Variants in RERE observed in about 807,000 individuals in gnomAD.
RERE encodes the protein arginine-glutamic acid dipeptide repeats protein.
A neutral mutation model predicts 146.1 loss-of-function variants in RERE; 40 were observed. The observed-to-expected ratio is 0.27, with a 90% CI of 0.21 to 0.36. The LOEUF is 0.36. Among genes scored for constraint, RERE ranks in the 10% least tolerant of loss-of-function variants. The pLI is 1.00. For missense variants in RERE, 1,933 were observed against 2,138.7 expected, an observed-to-expected ratio of 0.90 and a Z score of 1.90; for synonymous variants, 1,003 against 866.0, an observed-to-expected ratio of 1.16 and a Z score of -2.78.
intron 12 of RERE, among the ~76,000 whole-genome samples, chr1:8,407,438 CCTA>C (rs1221484115): frequency 6.6e-6 from 1 of 152,170 alleles, no homozygotes; most frequent in Non-Finnish European, 1.5e-5. Flanking sequence ...GCCAAGGAAT[CCTA>C]CTGTGAACAA....
At chr1:8,759,332 G>C (rs1011308336) in intron 1 of RERE, among the ~76,000 whole-genome samples, 1 of 152,170 alleles carries the variant, frequency 6.6e-6, no homozygotes. Context: ...TTGGAAAAGA[G>C]CATCATCCTT....
chr1:8,361,790 C>G lies in RERE; in HGVS notation c.1989G>C (p.Arg663Ser). 2 of 1,613,928 alleles carry G rather than the reference C, an allele frequency of 1.2e-6. No individual in the cohort carries two copies. The highest frequency in any genetic ancestry group is 1.7e-6 in the Non-Finnish European group (2 of 1,179,798). ...GCGTTTTTGTCTTCTTGGAGCTGGT[C>G]CTGTCAGCCTCCTCCGTATCAGAGG... ...KVASDTEEAD[R>S]TSSKKTKTQE... The change falls in exon 17 of 23, where the codon AGG becomes AGC. Residue 663 changes from arginine to serine, a missense_variant. Coordinates refer to ENST00000400908, the MANE Select transcript of RERE (RefSeq NM_001042681.2).
intron 7 of RERE, among the ~76,000 whole-genome samples, chr1:8,522,933 T>C (rs1269427045): frequency 2.6e-5 from 4 of 151,694 alleles, no homozygotes; most frequent in South Asian, 4.2e-4. Flanking sequence ...CCTGGCACTT[T>C]GGGAGGCCAA....
intron 7 of RERE, chr1:8,525,835 C>T: frequency 6.5e-7 from 1 of 1,540,466 alleles, no homozygotes; most frequent in East Asian, 2.4e-5. Context: ...CCTTTACTTT[C>T]TGCTAAAACT....
intron 1 of RERE, among the ~76,000 whole-genome samples, chr1:8,782,778 C>T (rs1048054899): frequency 6.6e-6 from 1 of 152,114 alleles, no homozygotes; most frequent in Non-Finnish European, 1.5e-5. Context: ...TGGTAGCAGG[C>T]ACCTGTAGTC....
At chr1:8,552,771 C>T (rs778896717) in intron 6 of RERE, among the ~76,000 whole-genome samples, 2 of 152,222 alleles carry the variant, frequency 1.3e-5, no homozygotes, top group Non-Finnish European at 2.9e-5. Context: ...TCACAGTGAG[C>T]GCTGCTGCCA....
At chr1:8,501,200 G>C (rs1329176983) in intron 8 of RERE, among the ~76,000 whole-genome samples, 9,041 of 81,986 alleles carry the variant, frequency 0.11, no homozygotes, top group Middle Eastern at 0.19. Flanking sequence ...CCGTCCGGGA[G>C]GGAGGTGGGG....
chr1:8,537,861 G>C (rs1026800454), intron 7 of RERE, among the ~76,000 whole-genome samples: 12 of 151,996 alleles, frequency 7.9e-5, no homozygotes, highest in African/African-American at 2.7e-4. Flanking sequence ...GACCAGGTTA[G>C]AGAAAAAAAT....
chr1:8,494,501 A>C (rs549572601), intron 10 of RERE, among the ~76,000 whole-genome samples: 37 of 152,242 alleles, frequency 2.4e-4, no homozygotes, highest in Non-Finnish European at 4.9e-4. Context: ...TCGAGGTGGG[A>C]GGATCACAAG....
At position 8,356,356 on chromosome 1, in the gene RERE, C is replaced by T; in HGVS notation, c.4340-110G>A. The T allele has an allele frequency of 8.0e-7, 1 of 1,257,588 alleles. No individual in the cohort carries two copies. The highest frequency in any genetic ancestry group is 1.9e-5 in the South Asian group (1 of 53,098). 77.9% of individuals were successfully genotyped at this position (1,257,588 alleles called of 1,614,324 possible). A position where few individuals can be genotyped will look rare whatever the true frequency, so the allele number is the denominator to read the frequency against. On this transcript the variant is annotated intron_variant, in intron 20 of 22. Transcript: ENST00000400908. This position sits in a 1 kb window ranked among gnomAD's most constrained non-coding sequence, Gnocchi z 5.2. ...CTCCTCACCCAGGATGGCTCCTGGTCACCAGGGCTGGATGCACCACCTGGC... is the reference window on the plus strand; with the variant it reads ...CTCCTCACCCAGGATGGCTCCTGGTTACCAGGGCTGGATGCACCACCTGGC...
chr1:8,640,052 C>A (rs1647156101), intron 2 of RERE, among the ~76,000 whole-genome samples: 8 of 151,932 alleles, frequency 5.3e-5, no homozygotes. Context: ...ACTTGAGAGG[C>A]TGAAGTGGGG....
At chr1:8,444,281 A>G (rs1490726886) in intron 11 of RERE, among the ~76,000 whole-genome samples, 1 of 152,154 alleles carries the variant, frequency 6.6e-6, no homozygotes, top group Non-Finnish European at 1.5e-5. Flanking sequence ...TGGGTTTAGG[A>G]CTTGCATTGG....
At chr1:8,485,315 C>T (rs562201896) in intron 10 of RERE, among the ~76,000 whole-genome samples, 59 of 152,162 alleles carry the variant, frequency 3.9e-4, no homozygotes, top group Admixed American at 2.4e-3. Context: ...GAGCCGAGAT[C>T]GTGCCATCGC....
intron 11 of RERE, among the ~76,000 whole-genome samples, chr1:8,428,978 G>A (rs1644055986): frequency 6.6e-6 from 1 of 152,086 alleles, no homozygotes; most frequent in Non-Finnish European, 1.5e-5. Flanking sequence ...ACGTGGACCT[G>A]GTGCAAGTAG....
chr1:8,375,708 G>A (rs1298956586), intron 12 of RERE, among the ~76,000 whole-genome samples: 1 of 131,646 alleles, frequency 7.6e-6, no homozygotes, highest in African/African-American at 2.9e-5. Context: ...CACTGAAAAT[G>A]CTTCCTCACT....
At chr1:8,498,393 T>A (rs1339938445) in intron 8 of RERE, among the ~76,000 whole-genome samples, 1 of 147,750 alleles carries the variant, frequency 6.8e-6, no homozygotes, top group South Asian at 2.1e-4. Context: ...AATTAAATTT[T>A]AAAAATTTAT....
chr1:8,800,773 T>C (rs1641574339), intron 1 of RERE, among the ~76,000 whole-genome samples: 1 of 152,030 alleles, frequency 6.6e-6, no homozygotes, highest in Admixed American at 6.6e-5. Flanking sequence ...GAGACCAGCT[T>C]GGCCAACACA....
intron 11 of RERE, among the ~76,000 whole-genome samples, chr1:8,440,642 C>A (rs1159350904): frequency 2.7e-5 from 4 of 148,972 alleles, no homozygotes; most frequent in Admixed American, 6.7e-5. Context: ...AATCCCAGCA[C>A]TTTGGGAGGC....
chr1:8,727,389 G>A (rs1011753662), intron 1 of RERE, among the ~76,000 whole-genome samples: 6 of 152,160 alleles, frequency 3.9e-5, no homozygotes, highest in South Asian at 2.1e-4. Context: ...TGATCCGCCC[G>A]CCTCAGCCTC....
Sources: allele counts gnomAD v4.1 joint callset (sites outside exome capture counted in the v4.1 genomes callset), GRCh38; gene constraint gnomAD v4.1.1; non-coding constraint Gnocchi (gnomAD v3.1); transcripts MANE v1.5; gene names NCBI Gene and HGNC (gene_info 2026-07-23, HGNC 2026-07-21).